Variants in SUCO observed in about 807,000 individuals in gnomAD.
The protein encoded by SUCO is SUN domain-containing ossification factor.
In SUCO, 57 loss-of-function variants were observed where a neutral mutation model predicts 148.1. The observed-to-expected ratio is 0.38, with a 90% CI of 0.31 to 0.48. The LOEUF (loss-of-function observed/expected upper bound fraction) is 0.48, where lower values mean the gene tolerates loss of function less well. Among genes scored for constraint, SUCO ranks in the 20% least tolerant of loss-of-function variants. SUCO has a pLI of 0.96. For missense variants in SUCO, 1,331 were observed against 1,468.2 expected, an observed-to-expected ratio of 0.91 and a Z score of 1.53; for synonymous variants, 470 against 502.7, an observed-to-expected ratio of 0.93 and a Z score of 0.87.
rs555925595 is a variant in SUCO, at chr1:172,602,364, G to A, written c.3173+146G>A. On this transcript the variant is annotated intron_variant, in intron 21 of 23. Coordinates refer to ENST00000263688, the MANE Select transcript of SUCO (RefSeq NM_014283.5). ...AACCAAAACATTAAAAACATCATTC[G>A]ATAGTAAGATGGTCCTATGCCTAAC... The A allele has an allele frequency of 5.6e-5, 80 of 1,416,626 alleles. No homozygotes were observed. In the African/African-American group the frequency reaches 6.7e-4, roughly 12 times the overall value. The allele number at this position is 1,416,626 out of a possible 1,614,324, so 87.8% of individuals were successfully genotyped here.
chr1:172,540,807 G>A (rs528810451), intron 1 of SUCO, among the ~76,000 whole-genome samples: 2 of 152,268 alleles, frequency 1.3e-5, no homozygotes, highest in Admixed American at 1.3e-4. Context: ...AATTGTCAAG[G>A]AGAAAGAGAG....
chr1:172,539,995 G>C (rs1202480342), intron 1 of SUCO, among the ~76,000 whole-genome samples: 1 of 152,140 alleles, frequency 6.6e-6, no homozygotes, highest in Non-Finnish European at 1.5e-5. Context: ...TTGTTAATAT[G>C]AACATTTATT....
rs772499221 is a variant in SUCO at position 172,573,859 on chromosome 1, G to A, written c.1050-32G>A. 20 of 1,228,696 alleles carry A rather than the reference G, an allele frequency of 1.6e-5. 1 individual carries two copies. Among genetic ancestry groups the A allele is most frequent in the Middle Eastern group, 1.9e-4 (1 of 5,158 alleles). The allele number at this position is 1,228,696 out of a possible 1,614,324, so 76.1% of individuals were successfully genotyped here. A position where few individuals can be genotyped will look rare whatever the true frequency, so the allele number is the denominator to read the frequency against. On this transcript the variant is annotated intron_variant, in intron 9 of 23. Transcript: ENST00000263688. ...TTAATATGAACTGTTATTTTGATTG[G>A]TTTAAGTAATTGTCTTTTGTTCTTT...
At position 172,588,217 on chromosome 1, in the gene SUCO, C is replaced by T. The variant is rs1356434937; in HGVS notation, c.1659-543C>T. On this transcript the variant is annotated intron_variant, in intron 17 of 23. Coordinates refer to ENST00000263688, the MANE Select transcript of SUCO (RefSeq NM_014283.5). The stretch of plus-strand genomic sequence containing the variant: ...AATGCTGTATTGGAGTTCCTCAAAT[C>T]ATTCTTAGAAAAATTATGTTTGAGA... 7 of 985,146 alleles carry T rather than the reference C, an allele frequency of 7.1e-6. No individual in the cohort carries two copies. The Admixed American group carries it at 3.1e-4, about 43-fold the overall frequency. The allele number at this position is 985,146 out of a possible 1,614,324, so 61.0% of individuals were successfully genotyped here.
At chr1:172,536,455 G>A (rs1435690773) in intron 1 of SUCO, among the ~76,000 whole-genome samples, 1 of 152,096 alleles carries the variant, frequency 6.6e-6, no homozygotes, top group Non-Finnish European at 1.5e-5. Context: ...CAGTAACAGC[G>A]TATTATGTAA....
intron 6 of SUCO, among the ~76,000 whole-genome samples, chr1:172,559,673 A>G (rs1386205684): frequency 6.6e-6 from 1 of 152,218 alleles, no homozygotes; most frequent in Admixed American, 6.5e-5. Context: ...ATGCAAATTA[A>G]AGGGTAGTTT....
chr1:172,583,714 T>C (rs1656041455), intron 15 of SUCO, among the ~76,000 whole-genome samples: 1 of 152,148 alleles, frequency 6.6e-6, no homozygotes, highest in South Asian at 2.1e-4. Flanking sequence ...CCCTGCCAGA[T>C]CTTAGTATTT....
intron 15 of SUCO, 47 bp downstream of exon 15, chr1:172,579,314 T>C: frequency 1.7e-6 from 2 of 1,189,962 alleles, no homozygotes; most frequent in Non-Finnish European, 2.5e-6. Context: ...TTTTTCATTC[T>C]GACACACACA....
chr1:172,576,289 T>A (rs1278828373), intron 11 of SUCO, among the ~76,000 whole-genome samples: 1 of 151,728 alleles, frequency 6.6e-6, no homozygotes, highest in East Asian at 1.9e-4. Flanking sequence ...ATTAATATTA[T>A]GACATTTTTG....
intron 9 of SUCO, among the ~76,000 whole-genome samples, chr1:172,571,036 G>A (rs1028394280): frequency 5.9e-5 from 9 of 152,230 alleles, no homozygotes; most frequent in Non-Finnish European, 1.3e-4. Context: ...CCTGGAAGAG[G>A]TAATTCCTGA....
intron 6 of SUCO, among the ~76,000 whole-genome samples, chr1:172,559,460 C>G (rs193088120): frequency 6.6e-6 from 1 of 151,932 alleles, no homozygotes; most frequent in African/African-American, 2.4e-5. Context: ...GTGCTTAGCC[C>G]GGGAGGGTTC....
intron 1 of SUCO, chr1:172,542,752 T>C (rs535515829): frequency 2.9e-4 from 290 of 985,290 alleles, no homozygotes; most frequent in Middle Eastern, 5.2e-4. Flanking sequence ...AAAGAGAACA[T>C]TGGACTTTTG....
rs949774056 is a variant in SUCO at position 172,555,804 on chromosome 1, G to A, written c.289-65G>A. On this transcript the variant is annotated intron_variant, in intron 3 of 23. Transcript: ENST00000263688. ...TCAGAAATGCTTTCCATAAATGCCC[G>A]TTCTGCTAAAGAGATGTTATATTAA... is the stretch of plus-strand genomic sequence containing the variant. The A allele has an allele frequency of 1.7e-5, 21 of 1,267,458 alleles. 1 individual carries two copies. In the Admixed American group the frequency reaches 2.0e-4, roughly 12 times the overall value. 78.5% of individuals were successfully genotyped at this position (1,267,458 alleles called of 1,614,324 possible).
At chr1:172,581,903 T>C (rs551401744) in intron 15 of SUCO, among the ~76,000 whole-genome samples, 1 of 152,234 alleles carries the variant, frequency 6.6e-6, no homozygotes, top group Admixed American at 6.5e-5. Context: ...TGATATTATA[T>C]AATTTACTTA....
rs182889805 is a variant in SUCO, at chr1:172,570,883, T to G, written c.1049+153T>G. The G allele has an allele frequency of 1.3e-5, 7 of 529,494 alleles. No individual in the cohort carries two copies. In the East Asian group the frequency reaches 2.3e-4, roughly 17 times the overall value. The allele number at this position is 529,494 out of a possible 1,614,324, so 32.8% of individuals were successfully genotyped here. A position where few individuals can be genotyped will look rare whatever the true frequency, so the allele number is the denominator to read the frequency against. ...ATGCAAAACTGAGGACAAAATGCCTTCCTTTCCTTTTGAGGAGGTCACAAA... is the reference window on the plus strand; with the variant it reads ...ATGCAAAACTGAGGACAAAATGCCTGCCTTTCCTTTTGAGGAGGTCACAAA... On this transcript the variant is annotated intron_variant, in intron 9 of 23. Transcript: ENST00000263688.
chr1:172,541,044 A>G (rs1005648175), intron 1 of SUCO, among the ~76,000 whole-genome samples: 8 of 152,196 alleles, frequency 5.3e-5, no homozygotes, highest in African/African-American at 1.2e-4. Flanking sequence ...GGTGAATACA[A>G]TTGGCTTTCC....
Position 172,550,823 on chromosome 1 carries a change from T to C in SUCO, c.63-689T>C, listed in dbSNP as rs1370107243. On this transcript the variant is annotated intron_variant, in intron 1 of 23. Coordinates refer to ENST00000263688, the MANE Select transcript of SUCO (RefSeq NM_014283.5). ...TTTATCAGATGTTTTTCAGTGGCTA[T>C]GGATATAATCGTAACATATTTTTCC... 10 of 770,002 alleles carry C rather than the reference T, an allele frequency of 1.3e-5. No homozygotes were observed. In the East Asian group the frequency reaches 1.2e-3, roughly 89 times the overall value. 47.7% of individuals were successfully genotyped at this position (770,002 alleles called of 1,614,324 possible).
At chr1:172,555,098 A>G (rs1219149948) in intron 3 of SUCO, among the ~76,000 whole-genome samples, 1 of 152,026 alleles carries the variant, frequency 6.6e-6, no homozygotes, top group Non-Finnish European at 1.5e-5. Flanking sequence ...TTAAACACCT[A>G]CTGTGCGCTA....
chr1:172,591,896 G>A (rs1656702532), intron 19 of SUCO, among the ~76,000 whole-genome samples: 1 of 152,078 alleles, frequency 6.6e-6, no homozygotes, highest in Admixed American at 6.6e-5. Context: ...AGTCCAACCA[G>A]CAATGTAACA....
Sources: allele counts gnomAD v4.1 joint callset (sites outside exome capture counted in the v4.1 genomes callset), GRCh38; gene constraint gnomAD v4.1.1; transcripts MANE v1.5; gene names NCBI Gene and HGNC (gene_info 2026-07-23, HGNC 2026-07-21).